Variants in BMAL2 observed in about 807,000 individuals in gnomAD.
BMAL2 encodes the protein basic helix-loop-helix ARNT-like protein 2.
chr12:27,389,354 G>A, the BMAL2 span: 3 of 1,184,060 alleles, frequency 2.5e-6, no homozygotes, highest in African/African-American at 4.6e-5. Context: ...TCACCTAAAA[G>A]TTTAGCTACA....
the BMAL2 span, chr12:27,418,000 TA>T: frequency 1.2e-6 from 1 of 846,670 alleles, no homozygotes; most frequent in Non-Finnish European, 1.7e-6. Context: ...CTCAAAAAAA[TA>T]AAAAATAAAA....
chr12:27,361,741 C>A, the BMAL2 span, among the ~76,000 whole-genome samples: 1 of 152,110 alleles, frequency 6.6e-6, no homozygotes, highest in African/African-American at 2.4e-5. Flanking sequence ...AAGAACAGAT[C>A]CTTTCAGCTA....
chr12:27,381,801 C>T, the BMAL2 span, among the ~76,000 whole-genome samples: 1 of 152,122 alleles, frequency 6.6e-6, no homozygotes, highest in Non-Finnish European at 1.5e-5. Context: ...CCTGGCCAAG[C>T]AGCAAGCTGA....
chr12:27,369,376 A>T, the BMAL2 span, among the ~76,000 whole-genome samples: 43 of 152,012 alleles, frequency 2.8e-4, no homozygotes, highest in Non-Finnish European at 4.7e-4. Context: ...TTCCCAATAC[A>T]CTTTATAATT....
At chr12:27,370,020 T>A in the BMAL2 span, 1 of 745,942 alleles carries the variant, frequency 1.3e-6, no homozygotes. Flanking sequence ...CAGCTTCCTA[T>A]CACTGGGTAG....
chr12:27,387,141 C>T, the BMAL2 span: 1 of 862,740 alleles, frequency 1.2e-6, no homozygotes, highest in Admixed American at 2.3e-5. Flanking sequence ...ACAGTAATTT[C>T]CTCAGAATCT....
the BMAL2 span, among the ~76,000 whole-genome samples, chr12:27,369,334 T>G: frequency 6.6e-6 from 1 of 152,050 alleles, no homozygotes; most frequent in Non-Finnish European, 1.5e-5. Context: ...ATTTACAAAG[T>G]GGGCACATGC....
the BMAL2 span, among the ~76,000 whole-genome samples, chr12:27,388,184 A>T: frequency 6.6e-6 from 1 of 152,088 alleles, no homozygotes; most frequent in Non-Finnish European, 1.5e-5. Flanking sequence ...ATCCAGTCCT[A>T]CTGGGCACTG....
chr12:27,407,838 G>A, the BMAL2 span, among the ~76,000 whole-genome samples: 4 of 151,884 alleles, frequency 2.6e-5, no homozygotes, highest in Non-Finnish European at 5.9e-5. Context: ...AAAATTGATC[G>A]ACCGCTAGCA....
At chr12:27,414,633 G>A in the BMAL2 span, among the ~76,000 whole-genome samples, 12 of 152,220 alleles carry the variant, frequency 7.9e-5, no homozygotes, top group East Asian at 1.5e-3. Context: ...ATATCAAAAC[G>A]TATGGAATGC....
the BMAL2 span, among the ~76,000 whole-genome samples, chr12:27,409,768 T>C: frequency 6.6e-6 from 1 of 151,860 alleles, no homozygotes; most frequent in African/African-American, 2.4e-5. Flanking sequence ...CTAAAGAGCT[T>C]CTGCACAGCA....
At chr12:27,393,604 C>T in the BMAL2 span, among the ~76,000 whole-genome samples, 2 of 152,214 alleles carry the variant, frequency 1.3e-5, no homozygotes, top group Non-Finnish European at 2.9e-5. Context: ...GCTTCTTTCA[C>T]AGTCTTATTT....
At chr12:27,381,336 A>G in the BMAL2 span, among the ~76,000 whole-genome samples, 1 of 152,196 alleles carries the variant, frequency 6.6e-6, no homozygotes, top group Non-Finnish European at 1.5e-5. Flanking sequence ...TGGGTAATTT[A>G]TAATGAAAAG....
the BMAL2 span, chr12:27,380,417 A>C: frequency 8.1e-6 from 13 of 1,613,768 alleles, 1 homozygote; most frequent in South Asian, 1.3e-4. Flanking sequence ...GAGTTTGACG[A>C]TGGCTTCCAC....
At chr12:27,373,213 C>T in the BMAL2 span, among the ~76,000 whole-genome samples, 3 of 152,156 alleles carry the variant, frequency 2.0e-5, no homozygotes, top group African/African-American at 4.8e-5. Context: ...ATATGACACA[C>T]TTAGAAGATA....
chr12:27,359,361 G>A, the BMAL2 span, among the ~76,000 whole-genome samples: 1 of 152,148 alleles, frequency 6.6e-6, no homozygotes, highest in Non-Finnish European at 1.5e-5. Context: ...GGGTAATAAA[G>A]TGAATGTAAT....
At chr12:27,343,164 C>G in the BMAL2 span, among the ~76,000 whole-genome samples, 1 of 152,206 alleles carries the variant, frequency 6.6e-6, no homozygotes, top group African/African-American at 2.4e-5. Flanking sequence ...ATAAATATCA[C>G]TTTGGGTTTT....
chr12:27,350,505 A>G, the BMAL2 span, among the ~76,000 whole-genome samples: 1 of 152,226 alleles, frequency 6.6e-6, no homozygotes. Context: ...AAGTGGCTCA[A>G]CAAGGTCTTG....
the BMAL2 span, among the ~76,000 whole-genome samples, chr12:27,381,485 G>C: frequency 6.6e-6 from 1 of 152,124 alleles, no homozygotes; most frequent in African/African-American, 2.4e-5. Context: ...GCAGGACCAA[G>C]AGAGGGTAGG....
Sources: allele counts gnomAD v4.1 joint callset (sites outside exome capture counted in the v4.1 genomes callset), GRCh38; gene constraint gnomAD v4.1.1; transcripts MANE v1.5; gene names NCBI Gene and HGNC (gene_info 2026-07-23, HGNC 2026-07-21).